Variants in VAPB observed in about 807,000 individuals in gnomAD.
VAPB encodes the protein VAMP associated protein B and C.
In VAPB, 7 loss-of-function variants were observed where a neutral mutation model predicts 25.6. That is an observed-to-expected ratio of 0.27 (90% CI 0.16 to 0.51). The LOEUF (loss-of-function observed/expected upper bound fraction) is 0.51. Ranked by LOEUF, VAPB falls within the 20% of genes least tolerant of loss-of-function variation. The pLI is 0.97. For synonymous variants in VAPB, 112 were observed against 109.2 expected, an observed-to-expected ratio of 1.03 and a Z score of -0.16; for missense variants, 266 against 301.3, an observed-to-expected ratio of 0.88 and a Z score of 0.87.
Position 58,444,609 on chromosome 20 carries a change from C to T in VAPB, c.*374C>T. 2.2e-6 allele frequency: 1 copy of T among 456,300 alleles called. No homozygotes were observed. Among genetic ancestry groups the T allele is most frequent in the Non-Finnish European group, 4.4e-6 (1 of 228,260 alleles). The allele number at this position is 456,300 out of a possible 1,614,324, so 28.3% of individuals were successfully genotyped here. A position where few individuals can be genotyped will look rare whatever the true frequency, so the allele number is the denominator to read the frequency against. The stretch of plus-strand genomic sequence containing the variant: ...ACCCTTCCTCGCCTGTTGGTGCTGG[C>T]CCTTGGGGAGCTGGAGCCCAGCATG... On this transcript the variant is annotated 3_prime_UTR_variant, in exon 6 of 6. Coordinates refer to ENST00000475243, the MANE Select transcript of VAPB (RefSeq NM_004738.5).
chr20:58,416,183 T>C (rs1456243332), intron 1 of VAPB, among the ~76,000 whole-genome samples: 1 of 152,210 alleles, frequency 6.6e-6, no homozygotes, highest in East Asian at 1.9e-4. Flanking sequence ...AAATATTGCT[T>C]GTCTTTTAAT....
At chr20:58,395,252 A>G (rs1442330033) in intron 1 of VAPB, among the ~76,000 whole-genome samples, 1 of 151,820 alleles carries the variant, frequency 6.6e-6, no homozygotes, top group African/African-American at 2.4e-5. Flanking sequence ...CCTGGGTTCA[A>G]ACGATTCTCC....
At chr20:58,423,819 T>TA (rs1988727372) in intron 2 of VAPB, among the ~76,000 whole-genome samples, 2 of 152,244 alleles carry the variant, frequency 1.3e-5, no homozygotes, top group African/African-American at 4.8e-5. Context: ...CCAGGCTTAT[T>TA]ACTCTCAGAT....
intron 4 of VAPB, chr20:58,439,374 G>C (rs1989113677): frequency 3.5e-6 from 1 of 282,846 alleles, no homozygotes; most frequent in Admixed American, 4.7e-5. Context: ...TATCATGGTG[G>C]TTGATGGACG....
chr20:58,426,902 T>A (rs1054757079), intron 2 of VAPB, among the ~76,000 whole-genome samples: 1 of 152,248 alleles, frequency 6.6e-6, no homozygotes, highest in Non-Finnish European at 1.5e-5. Flanking sequence ...AAGCATGTGC[T>A]GTAGTACTTG....
In VAPB at chr20:58,389,445, C is replaced by A; in HGVS notation, c.-15C>A. ...CAGGGGTCTCCCCGCCAAAGGTGCT[C>A]CGCCGCTAAGGAACATGGCGAAGGT... On this transcript the variant is annotated 5_prime_UTR_variant, in exon 1 of 6. Transcript: ENST00000475243. 6.3e-7 allele frequency: 1 copy of A among 1,588,734 alleles called. No homozygotes were observed. The highest frequency in any genetic ancestry group is 8.6e-7 in the Non-Finnish European group (1 of 1,168,040).
Position 58,446,064 on chromosome 20 carries a change from C to T in VAPB, c.*1829C>T. 4.4e-6 allele frequency: 2 copies of T among 453,998 alleles called. No individual in the cohort carries two copies. Among genetic ancestry groups the T allele is most frequent in the Non-Finnish European group, 8.8e-6 (2 of 226,770 alleles). 28.1% of individuals were successfully genotyped at this position (453,998 alleles called of 1,614,324 possible). Reference sequence around the variant, plus strand: ...TTGGTCTGAGTAAGTAACTTCCTGTCTTCATGAAAAAAGTTGACTTTGAAT... The same window carrying T: ...TTGGTCTGAGTAAGTAACTTCCTGTTTTCATGAAAAAAGTTGACTTTGAAT... On this transcript the variant is annotated 3_prime_UTR_variant, in exon 6 of 6. Coordinates refer to ENST00000475243, the MANE Select transcript of VAPB (RefSeq NM_004738.5).
intron 1 of VAPB, among the ~76,000 whole-genome samples, chr20:58,415,131 A>G (rs1267698794): frequency 6.6e-6 from 1 of 152,220 alleles, no homozygotes; most frequent in Admixed American, 6.5e-5. Flanking sequence ...AAAACAGATC[A>G]ATTCTAGCCC....
chr20:58,406,062 C>T (rs897854644), intron 1 of VAPB, among the ~76,000 whole-genome samples: 7 of 151,996 alleles, frequency 4.6e-5, no homozygotes, highest in African/African-American at 1.2e-4. Context: ...AGATGAGAAG[C>T]ATTGAGTTTG....
chr20:58,441,812 T>C (rs1209874456), intron 5 of VAPB, among the ~76,000 whole-genome samples: 1 of 152,258 alleles, frequency 6.6e-6, no homozygotes, highest in African/African-American at 2.4e-5. Flanking sequence ...TTAATGCAAG[T>C]ATAGTTCTGA....
chr20:58,429,567 C>T (rs1167784865), intron 2 of VAPB, among the ~76,000 whole-genome samples: 3 of 152,072 alleles, frequency 2.0e-5, no homozygotes, highest in Non-Finnish European at 2.9e-5. Context: ...CAGACAGTGC[C>T]CTTTTGTGGA....
At chr20:58,394,365 G>A (rs573321553) in intron 1 of VAPB, among the ~76,000 whole-genome samples, 1 of 152,342 alleles carries the variant, frequency 6.6e-6, no homozygotes, top group East Asian at 1.9e-4. Flanking sequence ...AGTTCATTCA[G>A]TGCAGTAATT....
intron 1 of VAPB, among the ~76,000 whole-genome samples, chr20:58,389,849 A>G (rs1414822200): frequency 6.6e-6 from 1 of 152,184 alleles, no homozygotes; most frequent in Non-Finnish European, 1.5e-5. Context: ...GCCTTTGCCT[A>G]GAAGTTTCTT....
chr20:58,432,845 C>G (rs1165773738), intron 2 of VAPB, among the ~76,000 whole-genome samples: 4 of 152,218 alleles, frequency 2.6e-5, no homozygotes, highest in Non-Finnish European at 4.4e-5. Flanking sequence ...GAAAGGTCAG[C>G]TCTTGCCAGC....
Position 58,447,843 on chromosome 20 carries a change from C to T in VAPB, c.*3608C>T, listed in dbSNP as rs755720413. 2.2e-6 allele frequency: 1 copy of T among 454,028 alleles called. No individual in the cohort carries two copies. The highest frequency in any genetic ancestry group is 1.6e-5 in the South Asian group (1 of 64,466). The allele number at this position is 454,028 out of a possible 1,614,324, so 28.1% of individuals were successfully genotyped here. A position where few individuals can be genotyped will look rare whatever the true frequency, so the allele number is the denominator to read the frequency against. ...TTCTCTAAAGGAATGGCCCATTTCT[C>T]ATTGTAGTTTGAGAAATACATGTAT... On this transcript the variant is annotated 3_prime_UTR_variant, in exon 6 of 6. Transcript: ENST00000475243.
At chr20:58,400,007 G>T (rs1988058541) in intron 1 of VAPB, among the ~76,000 whole-genome samples, 1 of 152,182 alleles carries the variant, frequency 6.6e-6, no homozygotes, top group East Asian at 1.9e-4. Flanking sequence ...GAAATGGAAA[G>T]GTACGTACTC....
In VAPB at chr20:58,449,294, C is replaced by G; in HGVS notation, c.*5059C>G. The G allele has an allele frequency of 2.2e-6, 1 of 451,750 alleles. No homozygotes were observed. Among genetic ancestry groups the G allele is most frequent in the Non-Finnish European group, 4.4e-6 (1 of 226,170 alleles). The allele number at this position is 451,750 out of a possible 1,614,324, so 28.0% of individuals were successfully genotyped here. A position where few individuals can be genotyped will look rare whatever the true frequency, so the allele number is the denominator to read the frequency against. ...CATGTTTTTGGCTGTATCTACGGCA[C>G]TTAACAATAGGGGCTTTTTATTTTC... is the stretch of plus-strand genomic sequence containing the variant. On this transcript the variant is annotated 3_prime_UTR_variant, in exon 6 of 6. Transcript: ENST00000475243.
intron 5 of VAPB, among the ~76,000 whole-genome samples, chr20:58,442,456 G>A (rs1259107568): frequency 3.9e-5 from 6 of 152,072 alleles, no homozygotes; most frequent in Admixed American, 2.6e-4. Context: ...TTAGTTTGCC[G>A]GGTTTTTTTT....
At chr20:58,425,738 T>C (rs573202007) in intron 2 of VAPB, among the ~76,000 whole-genome samples, 8 of 152,094 alleles carry the variant, frequency 5.3e-5, no homozygotes, top group Non-Finnish European at 1.2e-4. Flanking sequence ...CTGTTAGAAA[T>C]TGGAGTGCTC....
Sources: gnomAD v4.1 joint callset for allele counts (sites outside exome capture counted in the v4.1 genomes callset) on GRCh38, gnomAD v4.1.1 for gene constraint, MANE v1.5 for transcripts, NCBI Gene and HGNC (gene_info 2026-07-23, HGNC 2026-07-21) for gene names.